ZNF214: variants seen among roughly 807,000 people sequenced by gnomAD.
ZNF214 encodes zinc finger protein 214, also known as BWSCR2-associated zinc finger protein 1.
Under a neutral mutation model 53.9 loss-of-function variants are expected in ZNF214, and 43 were observed. The observed-to-expected ratio is 0.80, with a 90% CI of 0.63 to 1.03. The LOEUF is 1.03. Ranked by LOEUF, ZNF214 falls within the 50% of genes least tolerant of loss-of-function variation. ZNF214 has a pLI of 0.00. For synonymous variants in ZNF214, 217 were observed against 229.5 expected, an observed-to-expected ratio of 0.95 and a Z score of 0.49; for missense variants, 724 against 719.1, an observed-to-expected ratio of 1.01 and a Z score of -0.08.
In ZNF214 at chr11:7,016,463, T is replaced by C. The variant is rs76389828; in HGVS notation, c.-21+3610A>G. Among the ~76,000 whole-genome samples the C allele has an allele frequency of 8.2e-3, 1,249 of 152,322 alleles. 30 individuals are homozygous for C. Among genetic ancestry groups the C allele is most frequent in the African/African-American group, 0.028 (1,161 of 41,582 alleles). ...GACCAAAATGGAAATCATCAGAATA[T>C]TATTCTGTGGAAAAAGCCATCCTCT... On this transcript the variant is annotated intron_variant, in intron 1 of 2. Coordinates refer to ENST00000278314, the MANE Select transcript of ZNF214 (RefSeq NM_013249.4).
At chr11:7,002,632 C>G in intron 2 of ZNF214, 77 bp downstream of exon 2, 1 of 1,414,044 alleles carries the variant, frequency 7.1e-7, no homozygotes. Context: ...AATATAACAC[C>G]CAGATAAAAA....
At chr11:7,009,268 A>G (rs1851550657) in intron 1 of ZNF214, among the ~76,000 whole-genome samples, 1 of 152,114 alleles carries the variant, frequency 6.6e-6, no homozygotes, top group South Asian at 2.1e-4. Flanking sequence ...CCAGAAAAAA[A>G]TGCCTCACAC....
intron 1 of ZNF214, among the ~76,000 whole-genome samples, chr11:7,009,007 G>C (rs1410903592): frequency 6.6e-6 from 1 of 151,966 alleles, no homozygotes; most frequent in African/African-American, 2.4e-5. Context: ...CCATACTGAA[G>C]CAGTATACAG....
In ZNF214 at chr11:6,997,340, A is replaced by G. The variant is rs953397503; in HGVS notation, c.*2522T>C. 6.6e-6 allele frequency among the ~76,000 whole-genome samples: 1 copy of G among 151,840 alleles called. No individual in the cohort carries two copies. The highest frequency in any genetic ancestry group is 2.4e-5 in the African/African-American group (1 of 41,396). ...AAGCAATATCACATTTTCATCTGTTATAGCACATAATTAGAAATTTTTAAC... is the reference window on the plus strand; with the variant it reads ...AAGCAATATCACATTTTCATCTGTTGTAGCACATAATTAGAAATTTTTAAC... On this transcript the variant is annotated 3_prime_UTR_variant, in exon 3 of 3. Transcript: ENST00000278314.
In ZNF214 at chr11:7,000,683, C is replaced by G. The variant is rs759972594; in HGVS notation, c.1000G>C (p.Glu334Gln). The G allele has an allele frequency of 5.6e-6, 9 of 1,602,146 alleles. No homozygotes were observed. The South Asian group carries it at 6.7e-5, about 12-fold the overall frequency. Residue 334 changes from glutamate to glutamine, a missense_variant, in exon 3 of 3, where the codon GAG becomes CAG. Physicochemically the swap from Glu to Gln is conservative, Grantham distance 29. Transcript: ENST00000278314. Reference protein sequence around the residue: ...VHTEEKFYKIECDKDLSRNSL... With the variant: ...VHTEEKFYKIQCDKDLSRNSL... ...TTTCTACTGAGGTCTTTATCACACTCAATTTTATAGAATTTCTCTTCTGTG... is the reference window on the plus strand; with the variant it reads ...TTTCTACTGAGGTCTTTATCACACTGAATTTTATAGAATTTCTCTTCTGTG...
At chr11:7,011,557 C>T (rs1474735564) in intron 1 of ZNF214, among the ~76,000 whole-genome samples, 1 of 151,982 alleles carries the variant, frequency 6.6e-6, no homozygotes, top group Non-Finnish European at 1.5e-5. Context: ...GGTTAAATAT[C>T]AAGAACTTTA....
chr11:7,006,191 T>C (rs1851466631), intron 1 of ZNF214, among the ~76,000 whole-genome samples: 1 of 152,070 alleles, frequency 6.6e-6, no homozygotes, highest in African/African-American at 2.4e-5. Flanking sequence ...GTTTGAGAGC[T>C]TCCTTACTTT....
Position 6,999,808 on chromosome 11 carries a change from G to A in ZNF214, c.*54C>T. 1 of 1,502,624 alleles carries A rather than the reference G, an allele frequency of 6.7e-7. No individual in the cohort carries two copies. The highest frequency in any genetic ancestry group is 8.9e-7 in the Non-Finnish European group (1 of 1,124,198). 93.1% of individuals were successfully genotyped at this position (1,502,624 alleles called of 1,614,324 possible). On this transcript the variant is annotated 3_prime_UTR_variant, in exon 3 of 3. Transcript: ENST00000278314. Reference sequence around the variant, plus strand: ...GATTTCCTTAACAGCAGGATTTATAGGGTTTAAAGGTTAGGTAAACTTTGA... The same window carrying A: ...GATTTCCTTAACAGCAGGATTTATAAGGTTTAAAGGTTAGGTAAACTTTGA...
rs562030766 is a variant in ZNF214, at chr11:6,999,983, G to A, written c.1700C>T (p.Ser567Leu). 1.9e-6 allele frequency: 3 copies of A among 1,613,262 alleles called. No homozygotes were observed. The highest frequency in any genetic ancestry group is 2.2e-5 in the East Asian group (1 of 44,846). The change falls in exon 3 of 3, where the codon TCA becomes TTA. Residue 567 changes from serine (S) to leucine (L), a missense_variant. Coordinates refer to ENST00000278314, the MANE Select transcript of ZNF214 (RefSeq NM_013249.4). ...GACTCTTTGATGAATTCGAAGAGCTGAGCTATGACTGAAACCTTTACCACA... is the reference window on the plus strand; with the variant it reads ...GACTCTTTGATGAATTCGAAGAGCTAAGCTATGACTGAAACCTTTACCACA... ...AKCGKGFSHS[S>L]ALRIHQRVHA...
chr11:7,019,003 TCCA>T (rs1036100014), intron 1 of ZNF214, among the ~76,000 whole-genome samples: 29 of 152,180 alleles, frequency 1.9e-4, no homozygotes, highest in African/African-American at 7.0e-4. Flanking sequence ...CATTGCCACC[TCCA>T]CCACCCATGG....
intron 1 of ZNF214, among the ~76,000 whole-genome samples, chr11:7,004,379 T>G (rs1851426905): frequency 8.9e-6 from 1 of 112,274 alleles, no homozygotes; most frequent in South Asian, 3.4e-4. Flanking sequence ...TTTTTTTCAT[T>G]TAATACATAG....
chr11:7,017,345 TTC>T (rs1315511387), intron 1 of ZNF214, among the ~76,000 whole-genome samples: 5 of 152,208 alleles, frequency 3.3e-5, no homozygotes, highest in Admixed American at 1.3e-4. Flanking sequence ...TATCCTTTGA[TTC>T]TGTTTTCCTA....
At chr11:7,018,494 A>ATTTTT (rs1589849894) in intron 1 of ZNF214, among the ~76,000 whole-genome samples, 1 of 70,418 alleles carries the variant, frequency 1.4e-5, no homozygotes, top group South Asian at 4.4e-4. Flanking sequence ...CAATGTTAAG[A>ATTTTT]CTTTTTTTTT....
At chr11:7,014,804 C>CAAAAAA (rs1280725156) in intron 1 of ZNF214, among the ~76,000 whole-genome samples, 16 of 64,134 alleles carry the variant, frequency 2.5e-4, no homozygotes, top group East Asian at 1.4e-3. Flanking sequence ...CTGTCTCTAA[C>CAAAAAA]AAAAAAAAAA....
intron 1 of ZNF214, among the ~76,000 whole-genome samples, chr11:7,005,389 A>C (rs549967479): frequency 6.6e-6 from 1 of 152,194 alleles, no homozygotes; most frequent in Non-Finnish European, 1.5e-5. Flanking sequence ...ACAATAAACT[A>C]AGATGACAAG....
intron 1 of ZNF214, among the ~76,000 whole-genome samples, chr11:7,010,917 A>G (rs1305145143): frequency 2.0e-5 from 3 of 151,430 alleles, no homozygotes; most frequent in Non-Finnish European, 4.4e-5. Flanking sequence ...ACACCTAAAT[A>G]TGTACCTAAA....
rs756962047 is a variant in ZNF214 at position 7,001,053 on chromosome 11, C to T, written c.630G>A (p.Leu210=). Residue 210 remains leucine (L), a synonymous_variant, in exon 3 of 3, where the codon CTG becomes CTA. Transcript: ENST00000278314. The stretch of plus-strand genomic sequence containing the variant: ...AGTACTTTTCTTCCATTGAATCTCT[C>T]AGTAGGTCTTCTTGACATATCACCC... The part of the protein sequence containing the change: ...YVGVICQEDL[L]RDSMEEKYCG... The T allele has an allele frequency of 1.9e-6, 3 of 1,613,312 alleles. No individual in the cohort carries two copies. Among genetic ancestry groups the T allele is most frequent in the Admixed American group, 3.3e-5 (2 of 59,852 alleles).
intron 1 of ZNF214, among the ~76,000 whole-genome samples, chr11:7,015,640 T>G (rs1280090074): frequency 1.3e-5 from 2 of 152,160 alleles, no homozygotes; most frequent in African/African-American, 4.8e-5. Context: ...ATGACTCTGC[T>G]CAGTCTTAGG....
At chr11:7,014,271 C>A (rs1851691111) in intron 1 of ZNF214, among the ~76,000 whole-genome samples, 1 of 152,186 alleles carries the variant, frequency 6.6e-6, no homozygotes, top group South Asian at 2.1e-4. Flanking sequence ...CTAGACATTA[C>A]ACATGTATAC....
Sources: gnomAD v4.1 joint callset for allele counts (sites outside exome capture counted in the v4.1 genomes callset) on GRCh38, gnomAD v4.1.1 for gene constraint, MANE v1.5 for transcripts, NCBI Gene and HGNC (gene_info 2026-07-23, HGNC 2026-07-21) for gene names.